Variants in CHLSN observed in about 807,000 individuals in gnomAD.
CHLSN encodes the protein protein cholesin.
At chr7:992,382 G>C in the CHLSN span, among the ~76,000 whole-genome samples, 1 of 152,222 alleles carries the variant, frequency 6.6e-6, no homozygotes, top group South Asian at 2.1e-4. Flanking sequence ...CAAGCTCGGA[G>C]GGTGAGGCCC....
At chr7:1,033,888 C>T in the CHLSN span, among the ~76,000 whole-genome samples, 1 of 152,200 alleles carries the variant, frequency 6.6e-6, no homozygotes, top group Admixed American at 6.5e-5. Flanking sequence ...TGCAGGTGCT[C>T]CTCCAAGGCC....
chr7:1,119,645 G>A, the CHLSN span, among the ~76,000 whole-genome samples: 499 of 152,342 alleles, frequency 3.3e-3, no homozygotes, highest in Middle Eastern at 0.024. Context: ...GGGAGGCCGA[G>A]GCAGGCTGCT....
chr7:1,071,021 T>G, the CHLSN span, among the ~76,000 whole-genome samples: 21 of 152,100 alleles, frequency 1.4e-4, no homozygotes, highest in African/African-American at 5.1e-4. Context: ...TGCACACACA[T>G]GCACACACAT....
At chr7:1,003,984 T>C in the CHLSN span, among the ~76,000 whole-genome samples, 1 of 146,694 alleles carries the variant, frequency 6.8e-6, no homozygotes, top group Non-Finnish European at 1.5e-5. Flanking sequence ...AGTGGAGTCC[T>C]GTGGGTGGGG....
At chr7:1,004,635 G>A in the CHLSN span, among the ~76,000 whole-genome samples, 55 of 152,300 alleles carry the variant, frequency 3.6e-4, no homozygotes, top group Admixed American at 5.9e-4. Context: ...AGCGAGGGGC[G>A]GGTGGGGTGC....
chr7:1,032,790 C>T, the CHLSN span, among the ~76,000 whole-genome samples: 1 of 152,248 alleles, frequency 6.6e-6, no homozygotes, highest in Non-Finnish European at 1.5e-5. Flanking sequence ...CAAGAGAAAA[C>T]ACTGGTCGGA....
chr7:1,000,567 C>G, the CHLSN span: 35 of 1,593,214 alleles, frequency 2.2e-5, no homozygotes, highest in Non-Finnish European at 3.0e-5. Context: ...GAAAGAAAGA[C>G]AAACATCTCA....
chr7:1,136,349 TATATATAAAC>T, the CHLSN span, among the ~76,000 whole-genome samples: 1 of 47,458 alleles, frequency 2.1e-5, no homozygotes, highest in Non-Finnish European at 3.6e-5. Context: ...AACATATAAA[TATATATAAAC>T]ATATATATAA....
the CHLSN span, among the ~76,000 whole-genome samples, chr7:1,065,227 TGGGA>T: frequency 7.9e-5 from 12 of 152,012 alleles, no homozygotes; most frequent in Admixed American, 2.6e-4. Context: ...GCTGAGGTGG[TGGGA>T]GGAAGGTAAA....
chr7:1,050,935 A>C, the CHLSN span, among the ~76,000 whole-genome samples: 1 of 152,134 alleles, frequency 6.6e-6, no homozygotes, highest in Non-Finnish European at 1.5e-5. Context: ...GCCTCACCCT[A>C]GCCTGCTGGA....
the CHLSN span, among the ~76,000 whole-genome samples, chr7:1,029,985 G>A: frequency 1.3e-5 from 2 of 152,334 alleles, no homozygotes; most frequent in South Asian, 4.1e-4. Context: ...ATGCAGCAGT[G>A]CTTCCGATTT....
At chr7:1,084,150 C>T in the CHLSN span, among the ~76,000 whole-genome samples, 1 of 152,250 alleles carries the variant, frequency 6.6e-6, no homozygotes, top group East Asian at 1.9e-4. Context: ...AAAACCCGCA[C>T]ACCCCACACA....
At chr7:1,092,624 G>A in the CHLSN span, 1,212 of 1,612,002 alleles carry the variant, frequency 7.5e-4, no homozygotes, top group Non-Finnish European at 8.9e-4. Flanking sequence ...CAGTCTTTCC[G>A]CCATGCCCAC....
chr7:1,113,522 G>A, the CHLSN span, among the ~76,000 whole-genome samples: 1 of 152,214 alleles, frequency 6.6e-6, no homozygotes, highest in Non-Finnish European at 1.5e-5. Flanking sequence ...ATCACGAGGT[G>A]CTGATGGGTC....
chr7:1,068,413 G>C, the CHLSN span, among the ~76,000 whole-genome samples: 3 of 152,134 alleles, frequency 2.0e-5, no homozygotes, highest in Non-Finnish European at 4.4e-5. Flanking sequence ...GACTGTCCCC[G>C]GGACATCAGT....
At chr7:1,102,644 C>G in the CHLSN span, among the ~76,000 whole-genome samples, 1 of 152,000 alleles carries the variant, frequency 6.6e-6, no homozygotes, top group South Asian at 2.1e-4. Context: ...GGAAGGTGCA[C>G]TCGGAAGAGA....
chr7:1,019,314 C>G, the CHLSN span, among the ~76,000 whole-genome samples: 1 of 151,782 alleles, frequency 6.6e-6, no homozygotes, highest in African/African-American at 2.4e-5. Flanking sequence ...CCTGCAAAGC[C>G]AGAAGGTACC....
chr7:1,041,816 C>T, the CHLSN span, among the ~76,000 whole-genome samples: 1 of 151,936 alleles, frequency 6.6e-6, no homozygotes, highest in African/African-American at 2.4e-5. Context: ...CCCGAGAAAG[C>T]CCACGTGCAG....
chr7:1,033,451 A>G, the CHLSN span, among the ~76,000 whole-genome samples: 1 of 152,126 alleles, frequency 6.6e-6, no homozygotes, highest in Non-Finnish European at 1.5e-5. Context: ...CCAGCTGCTC[A>G]GGAAGCTGAG....
Sources: allele counts gnomAD v4.1 joint callset (sites outside exome capture counted in the v4.1 genomes callset), GRCh38; gene constraint gnomAD v4.1.1; transcripts MANE v1.5; gene names NCBI Gene and HGNC (gene_info 2026-07-23, HGNC 2026-07-21).